HTR3B: variants seen among roughly 807,000 people sequenced by gnomAD.
HTR3B encodes 5-hydroxytryptamine (serotonin) receptor 3B, ionotropic.
Under a neutral mutation model 42.8 loss-of-function variants are expected in HTR3B, and 44 were observed. The observed-to-expected ratio is 1.03, with a 90% confidence interval of 0.81 to 1.32. HTR3B has a LOEUF of 1.32. HTR3B is among the 40% of genes most tolerant of loss of function. The probability of loss-of-function intolerance (pLI) is 0.00; values close to 1 mark genes in which losing one functional copy is unlikely to be tolerated. For missense variants in HTR3B, 527 were observed against 536.5 expected, an observed-to-expected ratio of 0.98 and a Z score of 0.17; for synonymous variants, 203 against 209.0, an observed-to-expected ratio of 0.97 and a Z score of 0.25.
intron 4 of HTR3B, 55 bp downstream of exon 4, chr11:113,931,922 C>A: frequency 1.0e-6 from 1 of 984,644 alleles, no homozygotes; most frequent in Non-Finnish European, 1.6e-6. Context: ...TATAGTCGGG[C>A]CAGTTGCTGC....
In HTR3B at chr11:113,943,014, C is replaced by A; in HGVS notation, c.729C>A (p.Val243=). Residue 243 remains valine (V), a synonymous_variant, in exon 7 of 9, where the codon GTC becomes GTA. Transcript: ENST00000260191. ...TGCGCAGGCACCCCCTGGTCTATGT[C>A]GTGAGTCTGCTGATTCCTAGCATCT... ...VVMRRHPLVY[V]VSLLIPSIFL... 6.2e-7 allele frequency: 1 copy of A among 1,614,068 alleles called. No individual in the cohort carries two copies. The highest frequency in any genetic ancestry group is 8.5e-7 in the Non-Finnish European group (1 of 1,180,002).
chr11:113,938,147 A>G (rs1333874737), intron 6 of HTR3B, among the ~76,000 whole-genome samples: 1 of 151,612 alleles, frequency 6.6e-6, no homozygotes, highest in Non-Finnish European at 1.5e-5. Flanking sequence ...ACCTCATCCT[A>G]CTCTAGTACA....
At chr11:113,905,112 C>A in intron 1 of HTR3B, 127 bp downstream of exon 1, 1 of 667,050 alleles carries the variant, frequency 1.5e-6, no homozygotes, top group South Asian at 1.9e-5. Context: ...CTGTAAAATG[C>A]CAGTCCTGTG....
At chr11:113,934,488 G>T (rs1487517810) in intron 6 of HTR3B, among the ~76,000 whole-genome samples, 3 of 152,098 alleles carry the variant, frequency 2.0e-5, no homozygotes, top group East Asian at 3.9e-4. Flanking sequence ...AAGAAAGAAA[G>T]AAACTATTAT....
intron 2 of HTR3B, among the ~76,000 whole-genome samples, chr11:113,926,686 C>T (rs1949979345): frequency 6.6e-6 from 1 of 151,990 alleles, no homozygotes; most frequent in Non-Finnish European, 1.5e-5. Flanking sequence ...CGCCGCCACA[C>T]CCAACTAATT....
intron 2 of HTR3B, among the ~76,000 whole-genome samples, chr11:113,918,283 G>GTT (rs993398460): frequency 2.0e-5 from 3 of 151,592 alleles, no homozygotes; most frequent in African/African-American, 7.3e-5. Context: ...GTGTGTGTGT[G>GTT]TGTGTGTGTG....
In HTR3B at chr11:113,948,414, G is replaced by A. The variant is rs191847213; in HGVS notation, c.*2277G>A. Among the ~76,000 whole-genome samples, 37 of 152,294 alleles carry A rather than the reference G, an allele frequency of 2.4e-4. No homozygotes were observed. In the South Asian group the frequency reaches 5.8e-3, roughly 24 times the overall value. On this transcript the variant is annotated 3_prime_UTR_variant, in exon 9 of 9. Coordinates refer to ENST00000260191, the MANE Select transcript of HTR3B (RefSeq NM_006028.5). The stretch of plus-strand genomic sequence containing the variant: ...CAGAGTCAGGAGTCCTGATGATTAC[G>A]GTCCTGGCTCTGCCATTACCTAGCC...
intron 2 of HTR3B, among the ~76,000 whole-genome samples, chr11:113,913,622 C>T (rs1469250531): frequency 6.6e-6 from 1 of 152,048 alleles, no homozygotes; most frequent in African/African-American, 2.4e-5. Context: ...TCAAGCCATA[C>T]TCCAGCCTCA....
Position 113,946,258 on chromosome 11 carries a change from TGGGA to T in HTR3B, c.*124_*127del. 1 of 733,280 alleles carries T rather than the reference TGGGA, an allele frequency of 1.4e-6. No homozygotes were observed. Among genetic ancestry groups the T allele is most frequent in the Non-Finnish European group, 2.3e-6 (1 of 432,714 alleles). 45.4% of individuals were successfully genotyped at this position (733,280 alleles called of 1,614,324 possible). On this transcript the variant is annotated 3_prime_UTR_variant, in exon 9 of 9. Transcript: ENST00000260191. Reference sequence around the variant, plus strand: ...GTTCTTGCCTATAGTCCCAGTGCTTTGGGAGGCCATAGCAGGAGGATTGCTTGAG... The same window carrying T: ...GTTCTTGCCTATAGTCCCAGTGCTTTGGCCATAGCAGGAGGATTGCTTGAG...
chr11:113,901,002 C>T (rs759696651), upstream of HTR3B, among the ~76,000 whole-genome samples: 7 of 152,002 alleles, frequency 4.6e-5, no homozygotes, highest in Non-Finnish European at 8.8e-5. Context: ...CTGACACATG[C>T]GGATTGAAAT....
Position 113,946,223 on chromosome 11 carries a change from G to T in HTR3B, c.*86G>T. 9.5e-7 allele frequency: 1 copy of T among 1,050,116 alleles called. No homozygotes were observed. The highest frequency in any genetic ancestry group is 1.4e-6 in the Non-Finnish European group (1 of 700,348). 65.0% of individuals were successfully genotyped at this position (1,050,116 alleles called of 1,614,324 possible). A position where few individuals can be genotyped will look rare whatever the true frequency, so the allele number is the denominator to read the frequency against. On this transcript the variant is annotated 3_prime_UTR_variant, in exon 9 of 9. Transcript: ENST00000260191. ...AGTGGGTTAAAAAGCTTTCTGGGTC[G>T]GGTGTGGTGGTTCTTGCCTATAGTC...
chr11:113,931,576 G>T (rs1490413475), intron 3 of HTR3B, 148 bp downstream of exon 3: 1 of 691,254 alleles, frequency 1.4e-6, no homozygotes, highest in South Asian at 1.9e-5. Context: ...CATTTAAGAT[G>T]TATGGCCCTG....
In HTR3B at chr11:113,932,980, C is replaced by G. The variant is rs1950052230; in HGVS notation, c.583C>G (p.Gln195Glu). ...LAFLRSPEDI[Q>E]HDKKAFLNDS... Reference sequence around the variant, plus strand: ...CTTTCTGAGGAGCCCAGAAGACATTCAGCATGACAAAAAGGCGTTTTTGAA... The same window carrying G: ...CTTTCTGAGGAGCCCAGAAGACATTGAGCATGACAAAAAGGCGTTTTTGAA... The change falls in exon 6 of 9, where the codon CAG (glutamine) becomes GAG (glutamate). Residue 195 changes from glutamine (Q) to glutamate (E), a missense_variant. Physicochemically the swap from Gln to Glu is conservative, Grantham distance 29. Coordinates refer to ENST00000260191, the MANE Select transcript of HTR3B (RefSeq NM_006028.5). 3 of 1,614,162 alleles carry G rather than the reference C, an allele frequency of 1.9e-6. No individual in the cohort carries two copies. The highest frequency in any genetic ancestry group is 2.5e-6 in the Non-Finnish European group (3 of 1,180,018).
At chr11:113,918,434 C>A (rs1949878445) in intron 2 of HTR3B, among the ~76,000 whole-genome samples, 1 of 152,054 alleles carries the variant, frequency 6.6e-6, no homozygotes, top group Non-Finnish European at 1.5e-5. Context: ...TGACTCCTAA[C>A]CCCTGGCAAC....
At chr11:113,934,442 GA>G in intron 6 of HTR3B, among the ~76,000 whole-genome samples, 1 of 147,766 alleles carries the variant, frequency 6.8e-6, no homozygotes, top group East Asian at 2.0e-4. Flanking sequence ...AAGAAAGAAA[GA>G]AAAAAGAAAG....
In HTR3B at chr11:113,925,129, G is replaced by A. The variant is rs201544247; in HGVS notation, c.214-6255G>A. On this transcript the variant is annotated intron_variant, in intron 2 of 8. Transcript: ENST00000260191. ...CAACATGGACTATAATACCAGTGGT[G>A]CCTTCTGACCCCCTATCCAACCTGA... Among the ~76,000 whole-genome samples, 15 of 152,256 alleles carry A rather than the reference G, an allele frequency of 9.9e-5. No homozygotes were observed. The East Asian group carries it at 2.7e-3, about 27-fold the overall frequency.
chr11:113,901,645 A>G (rs1223885208), upstream of HTR3B, among the ~76,000 whole-genome samples: 1 of 152,210 alleles, frequency 6.6e-6, no homozygotes, highest in South Asian at 2.1e-4. Flanking sequence ...TCATCAGCCA[A>G]TAAAGAGCCA....
At chr11:113,904,506 T>A (rs1278829674), upstream of HTR3B, among the ~76,000 whole-genome samples, 1 of 152,234 alleles carries the variant, frequency 6.6e-6, no homozygotes, top group Non-Finnish European at 1.5e-5. Flanking sequence ...AACAGCTATT[T>A]GGATTTCAAT....
At chr11:113,913,961 T>C (rs937138175) in intron 2 of HTR3B, among the ~76,000 whole-genome samples, 3 of 152,126 alleles carry the variant, frequency 2.0e-5, no homozygotes, top group Non-Finnish European at 4.4e-5. Flanking sequence ...CCCTCCTCCA[T>C]GCTACGATGC....
Sources: gnomAD v4.1 joint callset for allele counts (sites outside exome capture counted in the v4.1 genomes callset) on GRCh38, gnomAD v4.1.1 for gene constraint, MANE v1.5 for transcripts, NCBI Gene and HGNC (gene_info 2026-07-23, HGNC 2026-07-21) for gene names.